Variants in CDH19 observed in about 807,000 individuals in gnomAD.
CDH19 encodes the protein cadherin-19.
A neutral mutation model predicts 64.2 loss-of-function variants in CDH19; 67 were observed. That is an observed-to-expected ratio of 1.04 (90% CI 0.86 to 1.28). The LOEUF is 1.28. Among genes scored for constraint, CDH19 ranks in the 50% most tolerant of loss-of-function variants. The pLI, the probability that CDH19 is intolerant of heterozygous loss-of-function variation, is 0.00. For missense variants in CDH19, 1,030 were observed against 929.0 expected, an observed-to-expected ratio of 1.11 and a Z score of -1.41; for synonymous variants, 346 against 319.3, an observed-to-expected ratio of 1.08 and a Z score of -0.89.
intron 3 of CDH19, among the ~76,000 whole-genome samples, chr18:66,566,168 G>T (rs554084372): frequency 2.0e-5 from 3 of 151,582 alleles, no homozygotes; most frequent in African/African-American, 4.8e-5. Context: ...TACTGCCTTC[G>T]CATTATGCTT....
chr18:66,597,127 A>G (rs1988917886), intron 1 of CDH19, among the ~76,000 whole-genome samples: 1 of 147,580 alleles, frequency 6.8e-6, no homozygotes, highest in Non-Finnish European at 1.5e-5. Flanking sequence ...ACAGGAAACC[A>G]CAAAAGAGCC....
Position 66,505,161 on chromosome 18 carries a change from G to C in CDH19, c.1970C>G (p.Ala657Gly). 6.2e-7 allele frequency: 1 copy of C among 1,613,398 alleles called. No homozygotes were observed. Among genetic ancestry groups the C allele is most frequent in the Non-Finnish European group, 8.5e-7 (1 of 1,179,602 alleles). The change falls in exon 12 of 12, where the codon GCA becomes GGA. Residue 657 changes from alanine (A) to glycine (G), a missense_variant. Transcript: ENST00000262150. Reference protein sequence around the residue: ...GEEDTEAFDIAELRSSTIMRE... With the variant: ...GEEDTEAFDIGELRSSTIMRE... ...CATTATGGTACTACTCCTCAGCTCT[G>C]CTATATCAAAGGCCTCTGTATCTTC...
At chr18:66,555,930 G>T (rs1208064627) in intron 3 of CDH19, among the ~76,000 whole-genome samples, 2 of 151,538 alleles carry the variant, frequency 1.3e-5, no homozygotes, top group Admixed American at 1.3e-4. Context: ...TTTGGCTTCA[G>T]ATACAATCAT....
intron 7 of CDH19, among the ~76,000 whole-genome samples, chr18:66,540,231 C>G (rs948280749): frequency 2.6e-5 from 4 of 152,090 alleles, no homozygotes; most frequent in Admixed American, 2.6e-4. Context: ...TCCTTTTTGT[C>G]CTGCTTGCTT....
At position 66,503,097 on chromosome 18, in the gene CDH19, A is replaced by T. The variant is rs942776771; in HGVS notation, c.*1715T>A. ...AGTCTCACATGCTATTAATAAAAAA[A>T]TGATCATATGAACCAATTTTAAGAA... On this transcript the variant is annotated 3_prime_UTR_variant, in exon 12 of 12. Transcript: ENST00000262150. 5 of 151,940 alleles carry T rather than the reference A, an allele frequency of 3.3e-5. No individual in the cohort carries two copies. The highest frequency in any genetic ancestry group is 1.2e-4 in the African/African-American group (5 of 41,452). The allele number at this position is 151,940 out of a possible 1,614,324, so 9.4% of individuals were successfully genotyped here. A position where few individuals can be genotyped will look rare whatever the true frequency, so the allele number is the denominator to read the frequency against.
At chr18:66,566,566 T>G (rs985499228) in intron 3 of CDH19, among the ~76,000 whole-genome samples, 3 of 152,024 alleles carry the variant, frequency 2.0e-5, no homozygotes, top group Non-Finnish European at 4.4e-5. Context: ...TGCCATACAA[T>G]AGTCTTCAGT....
In CDH19 at chr18:66,554,449, C is replaced by T; in HGVS notation, c.566G>A (p.Ser189Asn). The stretch of plus-strand genomic sequence containing the variant: ...AAAATATGGCTGGCCTTGAAGTAAG[C>T]TGTAGAGGAGACGAGCATTATTACC... Reference protein sequence around the residue: ...SSGNNARLLYSLLQGQPYFSV... With the variant: ...SSGNNARLLYNLLQGQPYFSV... The change falls in exon 4 of 12, where the codon AGC becomes AAC. Residue 189 changes from serine to asparagine, a missense_variant. Transcript: ENST00000262150. 1 of 1,611,948 alleles carries T rather than the reference C, an allele frequency of 6.2e-7. No individual in the cohort carries two copies. The highest frequency in any genetic ancestry group is 8.5e-7 in the Non-Finnish European group (1 of 1,178,580).
At position 66,580,467 on chromosome 18, in the gene CDH19, A is replaced by G. The variant is rs376910667; in HGVS notation, c.-112-8151T>C. 1.1e-4 allele frequency among the ~76,000 whole-genome samples: 17 copies of G among 152,234 alleles called. No individual in the cohort carries two copies. The East Asian group carries it at 3.1e-3, about 28-fold the overall frequency. On this transcript the variant is annotated intron_variant, in intron 1 of 11. Transcript: ENST00000262150. Reference sequence around the variant, plus strand: ...ACTCTTGGCATAAAGCAATTAGTTAAGTTAGTAAGTCTAGGCAGAGAAAAC... The same window carrying G: ...ACTCTTGGCATAAAGCAATTAGTTAGGTTAGTAAGTCTAGGCAGAGAAAAC...
intron 3 of CDH19, among the ~76,000 whole-genome samples, chr18:66,556,156 A>C (rs1409005909): frequency 1.3e-5 from 2 of 151,408 alleles, no homozygotes; most frequent in Non-Finnish European, 3.0e-5. Flanking sequence ...TATAAAATAA[A>C]TTTTATTATA....
chr18:66,590,143 T>C (rs961950095), intron 1 of CDH19, among the ~76,000 whole-genome samples: 1 of 151,886 alleles, frequency 6.6e-6, no homozygotes, highest in Non-Finnish European at 1.5e-5. Flanking sequence ...ACAAAACAGA[T>C]AATCCCACTC....
intron 9 of CDH19, among the ~76,000 whole-genome samples, chr18:66,525,727 A>T (rs1391141067): frequency 6.6e-6 from 1 of 152,160 alleles, no homozygotes; most frequent in Non-Finnish European, 1.5e-5. Flanking sequence ...TTTGTAAACT[A>T]TCATGTATAC....
chr18:66,537,428 CAG>C (rs1555686234), intron 7 of CDH19, among the ~76,000 whole-genome samples: 4 of 151,854 alleles, frequency 2.6e-5, no homozygotes, highest in African/African-American at 9.7e-5. Context: ...GCTATCATAT[CAG>C]GGGAACATGA....
At chr18:66,584,982 G>C (rs1416962672) in intron 1 of CDH19, among the ~76,000 whole-genome samples, 1 of 151,884 alleles carries the variant, frequency 6.6e-6, no homozygotes, top group Non-Finnish European at 1.5e-5. Flanking sequence ...CAATTAAAAA[G>C]CACTGTAAAC....
At chr18:66,586,167 G>C (rs1254194992) in intron 1 of CDH19, among the ~76,000 whole-genome samples, 1 of 151,974 alleles carries the variant, frequency 6.6e-6, no homozygotes, top group East Asian at 1.9e-4. Context: ...GAGAAAAACA[G>C]ATGGCAATTA....
chr18:66,547,216 A>G lies in CDH19; in HGVS notation c.776-2313T>C, dbSNP rs114355020. On this transcript the variant is annotated intron_variant, in intron 5 of 11. Transcript: ENST00000262150. Reference sequence around the variant, plus strand: ...AGTGTTCATATTTCGGATATTTTCTAAGGCAGAGACAACAGCATCTGCAGG... The same window carrying G: ...AGTGTTCATATTTCGGATATTTTCTGAGGCAGAGACAACAGCATCTGCAGG... Among the ~76,000 whole-genome samples, 764 of 152,276 alleles carry G rather than the reference A, an allele frequency of 5.0e-3. 11 individuals are homozygous for G. The highest frequency in any genetic ancestry group is 0.017 in the African/African-American group (721 of 41,580).
chr18:66,577,561 C>T (rs944859217), intron 1 of CDH19, among the ~76,000 whole-genome samples: 1 of 151,892 alleles, frequency 6.6e-6, no homozygotes, highest in African/African-American at 2.4e-5. Flanking sequence ...CATGAGGTCA[C>T]AAAAAGTGAA....
Position 66,548,125 on chromosome 18 carries a change from TA to T in CDH19, c.775+2968del, listed in dbSNP as rs200648008. On this transcript the variant is annotated intron_variant, in intron 5 of 11. Transcript: ENST00000262150. ...GTTATATATTATATAAAATATTATA[TA>T]TTATATATAATATGCATTTATATGT... Among the ~76,000 whole-genome samples, 1,064 of 146,848 alleles carry T rather than the reference TA, an allele frequency of 7.2e-3. 8 individuals carry two copies. The highest frequency in any genetic ancestry group is 0.024 in the African/African-American group (988 of 40,634).
chr18:66,576,976 A>T (rs989749519), intron 1 of CDH19, among the ~76,000 whole-genome samples: 1 of 151,652 alleles, frequency 6.6e-6, no homozygotes, highest in African/African-American at 2.4e-5. Flanking sequence ...TAATATAAAT[A>T]ATTCAAAGAT....
At chr18:66,544,375 A>T (rs1187695750) in intron 6 of CDH19, 151 bp from the exon 7 acceptor site, 7 of 657,184 alleles carry the variant, frequency 1.1e-5, no homozygotes, top group Non-Finnish European at 1.7e-5. Flanking sequence ...TATAATTGTT[A>T]ATCAGGCATA....
Sources: gnomAD v4.1 joint callset for allele counts (sites outside exome capture counted in the v4.1 genomes callset) on GRCh38, gnomAD v4.1.1 for gene constraint, MANE v1.5 for transcripts, NCBI Gene and HGNC (gene_info 2026-07-23, HGNC 2026-07-21) for gene names.